Variants in VRK2 observed in about 807,000 individuals in gnomAD.
The protein encoded by VRK2 is VRK serine/threonine kinase 2.
Under a neutral mutation model 57.6 loss-of-function variants are expected in VRK2, and 60 were observed. The observed-to-expected ratio is 1.04, with a 90% confidence interval of 0.85 to 1.29. VRK2 has a LOEUF of 1.29. Among genes scored for constraint, VRK2 ranks in the 50% most tolerant of loss-of-function variants. The pLI is 0.00. For synonymous variants in VRK2, 231 were observed against 199.2 expected (o/e 1.16, Z -1.35); for missense variants, 705 against 588.1 (o/e 1.20, Z -2.06).
intron 1 of VRK2, among the ~76,000 whole-genome samples, chr2:57,925,334 T>C (rs1223474403): frequency 6.6e-6 from 1 of 152,104 alleles, no homozygotes; most frequent in Non-Finnish European, 1.5e-5. Context: ...CATTGGGTTG[T>C]AGGCTTTTCT....
At chr2:58,023,247 A>G (rs1282434398) in intron 1 of VRK2, among the ~76,000 whole-genome samples, 1 of 152,208 alleles carries the variant, frequency 6.6e-6, no homozygotes, top group Non-Finnish European at 1.5e-5. Flanking sequence ...TCCTTTTGTG[A>G]CTGGCTTATG....
intron 12 of VRK2, among the ~76,000 whole-genome samples, chr2:58,154,366 A>T (rs1683477553): frequency 6.6e-6 from 1 of 151,128 alleles, no homozygotes; most frequent in African/African-American, 2.4e-5. Context: ...TGTATATATC[A>T]TATCTATGGG....
At chr2:58,095,885 C>CT (rs1253638071) in intron 7 of VRK2, among the ~76,000 whole-genome samples, 1 of 151,918 alleles carries the variant, frequency 6.6e-6, no homozygotes, top group African/African-American at 2.4e-5. Flanking sequence ...GGCTTTAGGA[C>CT]TAAGGTTTGT....
chr2:57,942,396 A>G (rs555195335), intron 1 of VRK2, among the ~76,000 whole-genome samples: 2 of 152,312 alleles, frequency 1.3e-5, no homozygotes, highest in South Asian at 4.1e-4. Context: ...AGGTAATGGC[A>G]TATTTTGTAC....
upstream of VRK2, among the ~76,000 whole-genome samples, chr2:58,041,646 A>G (rs762194903): frequency 6.6e-6 from 1 of 152,184 alleles, no homozygotes; most frequent in Non-Finnish European, 1.5e-5. Context: ...AAAAATCTAC[A>G]TTCTGTAGAG....
chr2:58,005,749 T>C (rs1034391407), intron 1 of VRK2, among the ~76,000 whole-genome samples: 5 of 152,030 alleles, frequency 3.3e-5, no homozygotes, highest in Admixed American at 1.3e-4. Flanking sequence ...AGGGCATTGA[T>C]TGGGAAAGAA....
intron 1 of VRK2, among the ~76,000 whole-genome samples, chr2:57,929,778 C>T (rs1229409661): frequency 1.3e-5 from 2 of 152,030 alleles, no homozygotes; most frequent in Admixed American, 6.6e-5. Context: ...CAGCAGGTGA[C>T]GAATCCTTCT....
intron 1 of VRK2, among the ~76,000 whole-genome samples, chr2:57,954,412 C>G (rs1671518725): frequency 6.6e-6 from 1 of 151,988 alleles, no homozygotes. Context: ...GGCTAACTGC[C>G]CTCCTCAAAA....
At chr2:57,974,229 T>C (rs888251962) in intron 1 of VRK2, among the ~76,000 whole-genome samples, 2 of 151,938 alleles carry the variant, frequency 1.3e-5, no homozygotes, top group African/African-American at 4.8e-5. Flanking sequence ...GAAAAACTGA[T>C]AAAGCTTTAA....
Position 58,084,082 on chromosome 2 carries a change from T to G in VRK2, c.137-7T>G. ...TTTTCTCCATTGTGTGTTTTTTTTG[T>G]CTGCAGCTTTCCCCACAAATAAACC... On this transcript the variant is annotated splice_polypyrimidine_tract_variant and splice_region_variant and intron_variant, in intron 2 of 12. Coordinates refer to ENST00000340157, the MANE Select transcript of VRK2 (RefSeq NM_006296.7). The G allele has an allele frequency of 6.2e-7, 1 of 1,604,892 alleles. No individual in the cohort carries two copies.
At chr2:57,970,235 C>G (rs1012651947) in intron 1 of VRK2, among the ~76,000 whole-genome samples, 2 of 149,432 alleles carry the variant, frequency 1.3e-5, no homozygotes, top group African/African-American at 4.9e-5. Flanking sequence ...TATATATTCA[C>G]ATTCCACTAA....
At chr2:58,148,104 A>C (rs1192822701) in intron 12 of VRK2, among the ~76,000 whole-genome samples, 1 of 151,804 alleles carries the variant, frequency 6.6e-6, no homozygotes, top group East Asian at 1.9e-4. Flanking sequence ...TTTTATAAAG[A>C]GCTGACAAAT....
intron 1 of VRK2, among the ~76,000 whole-genome samples, chr2:57,945,796 G>A (rs1000922795): frequency 6.6e-6 from 1 of 151,980 alleles, no homozygotes; most frequent in Admixed American, 6.6e-5. Context: ...AATATTTGAG[G>A]ATAATAAAAA....
chr2:57,988,144 G>C (rs1234227265), intron 1 of VRK2, among the ~76,000 whole-genome samples: 2 of 152,050 alleles, frequency 1.3e-5, no homozygotes, highest in African/African-American at 4.8e-5. Flanking sequence ...AAAAGGGTGT[G>C]TCACTGTAGG....
chr2:58,109,314 T>C (rs904405619), intron 7 of VRK2, among the ~76,000 whole-genome samples: 1 of 152,062 alleles, frequency 6.6e-6, no homozygotes, highest in African/African-American at 2.4e-5. Flanking sequence ...AGCATAAATT[T>C]AAAAAAGCTA....
intron 1 of VRK2, among the ~76,000 whole-genome samples, chr2:57,975,574 G>T (rs1445255036): frequency 6.6e-6 from 1 of 151,778 alleles, no homozygotes; most frequent in Non-Finnish European, 1.5e-5. Flanking sequence ...GCTAGGTTTG[G>T]TCTTCTACTG....
intron 1 of VRK2, among the ~76,000 whole-genome samples, chr2:57,980,499 T>G (rs1159359503): frequency 6.6e-6 from 1 of 152,126 alleles, no homozygotes; most frequent in Non-Finnish European, 1.5e-5. Flanking sequence ...GATGAAAAAA[T>G]ATATATAAAT....
chr2:58,119,533 T>C (rs1355231863), intron 7 of VRK2, among the ~76,000 whole-genome samples: 1 of 151,132 alleles, frequency 6.6e-6, no homozygotes, highest in African/African-American at 2.4e-5. Flanking sequence ...TGGAATATTA[T>C]TTTCTGAGCC....
intron 11 of VRK2, 90 bp from the exon 12 acceptor site, chr2:58,146,226 T>C: frequency 8.6e-7 from 1 of 1,162,312 alleles, no homozygotes; most frequent in Non-Finnish European, 1.2e-6. Context: ...TTGGCAAGTT[T>C]AGAGCTTTTA....
Sources: gnomAD v4.1 joint callset for allele counts (sites outside exome capture counted in the v4.1 genomes callset) on GRCh38, gnomAD v4.1.1 for gene constraint, MANE v1.5 for transcripts, NCBI Gene and HGNC (gene_info 2026-07-23, HGNC 2026-07-21) for gene names.